CEP97: variants seen among roughly 807,000 people sequenced by gnomAD.
CEP97 encodes the protein centrosomal protein of 97 kDa.
In CEP97, 43 loss-of-function variants were observed where a neutral mutation model predicts 73.1. The ratio of observed to expected loss-of-function variants is 0.59; its 90% CI spans 0.46 to 0.76. The LOEUF is 0.76. Among genes scored for constraint, CEP97 ranks in the 30% least tolerant of loss-of-function variants. CEP97 has a pLI of 0.00. For synonymous variants in CEP97, 337 were observed against 370.0 expected (o/e 0.91, Z 1.02); for missense variants, 939 against 1,014.0 (o/e 0.93, Z 1.00).
chr3:101,746,118 G>T (rs1380457884), intron 6 of CEP97, among the ~76,000 whole-genome samples: 2 of 152,170 alleles, frequency 1.3e-5, no homozygotes, highest in Non-Finnish European at 2.9e-5. Context: ...GTATTCCATG[G>T]TGTATATGTG....
At chr3:101,746,044 T>C (rs1193681433) in intron 6 of CEP97, among the ~76,000 whole-genome samples, 3 of 152,194 alleles carry the variant, frequency 2.0e-5, no homozygotes, top group Non-Finnish European at 2.9e-5. Flanking sequence ...CTGAAAATGA[T>C]GATTTCCAAT....
At chr3:101,752,926 G>A (rs1254887365) in intron 6 of CEP97, among the ~76,000 whole-genome samples, 7 of 152,112 alleles carry the variant, frequency 4.6e-5, no homozygotes, top group Admixed American at 1.3e-4. Flanking sequence ...GCTTTGTTCC[G>A]TTGCTGGTGA....
intron 6 of CEP97, among the ~76,000 whole-genome samples, chr3:101,743,482 G>A (rs781361167): frequency 6.6e-6 from 1 of 151,932 alleles, no homozygotes; most frequent in South Asian, 2.1e-4. Flanking sequence ...TGTAACCTCC[G>A]CCTCCTACGC....
intron 6 of CEP97, among the ~76,000 whole-genome samples, chr3:101,739,235 A>G (rs989484555): frequency 7.2e-5 from 11 of 152,222 alleles, no homozygotes; most frequent in Non-Finnish European, 1.5e-4. Context: ...GAATTCTGCC[A>G]GAGGTACAAA....
At chr3:101,739,284 A>G (rs976253301) in intron 6 of CEP97, among the ~76,000 whole-genome samples, 10 of 152,194 alleles carry the variant, frequency 6.6e-5, no homozygotes, top group African/African-American at 9.7e-5. Flanking sequence ...TATTCCAAAC[A>G]AAAGAAAAAG....
At chr3:101,749,750 G>A (rs1201662609) in intron 6 of CEP97, among the ~76,000 whole-genome samples, 3 of 146,944 alleles carry the variant, frequency 2.0e-5, no homozygotes, top group African/African-American at 7.5e-5. Context: ...GGCCAGTGAT[G>A]GTGAGCATTT....
intron 6 of CEP97, among the ~76,000 whole-genome samples, chr3:101,734,558 A>C (rs1037654627): frequency 1.3e-5 from 2 of 152,156 alleles, no homozygotes; most frequent in African/African-American, 4.8e-5. Flanking sequence ...TTCTGAGTAA[A>C]GCACAGGGCC....
intron 6 of CEP97, among the ~76,000 whole-genome samples, chr3:101,737,274 A>G (rs1938307768): frequency 6.6e-6 from 1 of 152,238 alleles, no homozygotes; most frequent in South Asian, 2.1e-4. Context: ...ACTCTTCAGG[A>G]TATTATCCAG....
Position 101,765,459 on chromosome 3 carries a change from CAA to C in CEP97, c.2507_2508del (p.Gln836ArgfsTer4), listed in dbSNP as rs1317013520. ...PPLQGEISQTQENSKLNAEVQ... is the reference protein window; with the variant it reads ...PPLQGEISQTXENSKLNAEVQ... ...TTTGCAAGGTGAAATTAGCCAGACACAAGAGAATTCTAAATTAAATGCAGAAG... is the reference window on the plus strand; with the variant it reads ...TTTGCAAGGTGAAATTAGCCAGACACGAGAATTCTAAATTAAATGCAGAAG... On this transcript the variant is annotated frameshift_variant, in exon 11 of 11. Transcript: ENST00000341893. LOFTEE classifies it high-confidence loss of function. The C allele has an allele frequency of 5.0e-6, 8 of 1,614,000 alleles. No individual in the cohort carries two copies. The East Asian group carries it at 1.8e-4, about 36-fold the overall frequency.
At chr3:101,763,930 T>G (rs1271800274) in intron 10 of CEP97, among the ~76,000 whole-genome samples, 2 of 151,972 alleles carry the variant, frequency 1.3e-5, no homozygotes, top group Admixed American at 1.3e-4. Flanking sequence ...ATTGACCCCT[T>G]AGTCAGCTAG....
chr3:101,743,549 CTG>C lies in CEP97; in HGVS notation c.728+10898_728+10899del, dbSNP rs199554759. On this transcript the variant is annotated intron_variant, in intron 6 of 10. Transcript: ENST00000341893. ...TAGCTGGGACTATAGGCACACACCA[CTG>C]TGCCCAGCTCATTTTTAAATTTTTA... 3.3e-4 allele frequency among the ~76,000 whole-genome samples: 50 copies of C among 152,178 alleles called. 1 individual carries two copies. In the East Asian group the frequency reaches 9.7e-3, roughly 29 times the overall value.
chr3:101,763,762 C>A (rs894438186), intron 10 of CEP97, among the ~76,000 whole-genome samples: 6 of 152,132 alleles, frequency 3.9e-5, no homozygotes, highest in Non-Finnish European at 8.8e-5. Context: ...TTAGCTAATA[C>A]TTAAAAACTG....
rs911262758 is a variant in CEP97 at position 101,729,930 on chromosome 3, G to A, written c.447+993G>A. Among the ~76,000 whole-genome samples, 5 of 151,834 alleles carry A rather than the reference G, an allele frequency of 3.3e-5. No individual in the cohort carries two copies. The South Asian group carries it at 6.2e-4, about 19-fold the overall frequency. On this transcript the variant is annotated intron_variant, in intron 4 of 10. Transcript: ENST00000341893. ...AGTGATACTTCTGCCTCAGCGTCCC[G>A]CGTAGCTGGGATTATAGGCGCCCAC...
intron 6 of CEP97, among the ~76,000 whole-genome samples, chr3:101,752,024 C>T (rs902341947): frequency 1.3e-5 from 2 of 152,188 alleles, no homozygotes; most frequent in African/African-American, 4.8e-5. Context: ...TTTGCAGTGG[C>T]TGGTATCGCT....
intron 7 of CEP97, 39 bp from the exon 8 acceptor site, chr3:101,757,024 G>C (rs769877351): frequency 4.6e-6 from 7 of 1,528,960 alleles, no homozygotes; most frequent in Non-Finnish European, 6.1e-6. Flanking sequence ...TTCTTTTTTT[G>C]GTTTGTGTTA....
intron 6 of CEP97, 57 bp downstream of exon 6, chr3:101,732,711 C>T: frequency 1.4e-6 from 2 of 1,432,750 alleles, no homozygotes; most frequent in Non-Finnish European, 1.9e-6. Flanking sequence ...TTCTAGTTTA[C>T]TACAGATTAA....
At chr3:101,752,474 A>G (rs1326437428) in intron 6 of CEP97, among the ~76,000 whole-genome samples, 1 of 152,162 alleles carries the variant, frequency 6.6e-6, no homozygotes, top group East Asian at 1.9e-4. Context: ...CTCCTGGATA[A>G]TATCTTGCAG....
rs557281303 is a variant in CEP97, at chr3:101,753,564, G to A, written c.729-1866G>A. Among the ~76,000 whole-genome samples the A allele has an allele frequency of 7.7e-4, 117 of 152,352 alleles. 1 individual carries two copies. Among genetic ancestry groups the A allele is most frequent in the African/African-American group, 2.7e-3 (113 of 41,594 alleles). Reference sequence around the variant, plus strand: ...AGCTGTGGTGGGCTCCACCCAGTTCGGGCTTCCGGCTGCTTTGTTTACCTA... The same window carrying A: ...AGCTGTGGTGGGCTCCACCCAGTTCAGGCTTCCGGCTGCTTTGTTTACCTA... On this transcript the variant is annotated intron_variant, in intron 6 of 10. Coordinates refer to ENST00000341893, the MANE Select transcript of CEP97 (RefSeq NM_024548.4).
chr3:101,736,276 G>T (rs1233488765), intron 6 of CEP97, among the ~76,000 whole-genome samples: 1 of 152,226 alleles, frequency 6.6e-6, no homozygotes, highest in Non-Finnish European at 1.5e-5. Flanking sequence ...TGCAGCTTCA[G>T]CAGGCTTAAA....
Sources: allele counts gnomAD v4.1 joint callset (sites outside exome capture counted in the v4.1 genomes callset), GRCh38; gene constraint gnomAD v4.1.1; transcripts MANE v1.5; gene names NCBI Gene and HGNC (gene_info 2026-07-23, HGNC 2026-07-21).